Variants in ACOT11 observed in about 807,000 individuals in gnomAD.
The protein encoded by ACOT11 is acyl-CoA thioesterase 11, also known as acyl-coenzyme A thioesterase 11.
ACOT11 carries 69 observed loss-of-function variants against 77.5 expected under a neutral mutation model. That is an observed-to-expected ratio of 0.89 (90% CI 0.73 to 1.09). The LOEUF (loss-of-function observed/expected upper bound fraction) is 1.09, where lower values mean the gene tolerates loss of function less well. ACOT11 is among the 50% of genes least tolerant of loss of function. The probability of loss-of-function intolerance (pLI) is 0.00; values close to 1 mark genes in which losing one functional copy is unlikely to be tolerated. For missense variants in ACOT11, 766 were observed against 813.7 expected (o/e 0.94, Z 0.71); for synonymous variants, 279 against 313.0 (o/e 0.89, Z 1.15).
rs1653230338 is a variant in ACOT11, at chr1:54,555,550, G to A, written c.33+7208G>A. On this transcript the variant is annotated intron_variant, in intron 1 of 15. Transcript: ENST00000343744. The stretch of plus-strand genomic sequence containing the variant: ...GGTTGTCTCTTAACTCTGTTGATTG[G>A]TTCCTTTGCTGTGCAGAAGTGTTTT... Among the ~76,000 whole-genome samples the A allele has an allele frequency of 4.0e-5, 6 of 151,884 alleles. No individual in the cohort carries two copies. In the South Asian group the frequency reaches 1.2e-3, roughly 32 times the overall value.
intron 2 of ACOT11, 50 bp from the exon 3 acceptor site, chr1:54,585,785 C>T: frequency 1.2e-6 from 2 of 1,601,738 alleles, no homozygotes; most frequent in Non-Finnish European, 1.7e-6. Flanking sequence ...GAGCAGAGGC[C>T]TGTGATCGGG....
chr1:54,631,805 C>T (rs113854588), intron 16 of ACOT11, among the ~76,000 whole-genome samples: 4 of 152,300 alleles, frequency 2.6e-5, no homozygotes, highest in Non-Finnish European at 5.9e-5. Flanking sequence ...ATTGCAGATT[C>T]GGCTGCTCAG....
At chr1:54,626,085 A>G (rs1418749009) in intron 15 of ACOT11, among the ~76,000 whole-genome samples, 1 of 147,872 alleles carries the variant, frequency 6.8e-6, no homozygotes, top group Non-Finnish European at 1.5e-5. Context: ...ACAGAGTGAG[A>G]CCCTGTTTCT....
intron 3 of ACOT11, among the ~76,000 whole-genome samples, chr1:54,591,449 C>G (rs1297411918): frequency 6.6e-6 from 1 of 152,226 alleles, no homozygotes; most frequent in Non-Finnish European, 1.5e-5. Context: ...CACGGTGGCC[C>G]CTTGACCAGC....
rs1438939103 is a variant in ACOT11 at position 54,607,787 on chromosome 1, C to G, written c.1503-155C>G. 2.0e-5 allele frequency among the ~76,000 whole-genome samples: 3 copies of G among 151,904 alleles called. No homozygotes were observed. The highest frequency in any genetic ancestry group is 1.9e-4 in the East Asian group (1 of 5,130). On this transcript the variant is annotated intron_variant, in intron 14 of 15. Coordinates refer to ENST00000343744, the MANE Select transcript of ACOT11 (RefSeq NM_147161.4). This position sits in a 1 kb window ranked among gnomAD's most constrained non-coding sequence, Gnocchi z 4.5. ...TCCTCCCTCCAGCCTGGCCCTGAGC[C>G]CCGCATTGGGGCTTTAAGAGTCGAT... is the stretch of plus-strand genomic sequence containing the variant.
At position 54,610,248 on chromosome 1, in the gene ACOT11, C is replaced by T; in HGVS notation, c.*1136C>T. ...CAGGAGCCCTGTGCTCTTGACATCA[C>T]TGTACTCCCTCTCCCTCCCCGCAAC... On this transcript the variant is annotated 3_prime_UTR_variant, in exon 16 of 16. Transcript: ENST00000343744. The T allele has an allele frequency of 2.1e-6, 3 of 1,456,274 alleles. No homozygotes were observed. Among genetic ancestry groups the T allele is most frequent in the Non-Finnish European group, 2.7e-6 (3 of 1,110,552 alleles). 90.2% of individuals were successfully genotyped at this position (1,456,274 alleles called of 1,614,324 possible). A position where few individuals can be genotyped will look rare whatever the true frequency, so the allele number is the denominator to read the frequency against.
intron 15 of ACOT11, among the ~76,000 whole-genome samples, chr1:54,629,058 C>CA (rs768933265): frequency 0.021 from 737 of 35,740 alleles, 41 homozygotes; most frequent in African/African-American, 0.032. Flanking sequence ...GACTCCGTCT[C>CA]AAAAAAAAAA....
chr1:54,619,977 G>T (rs144352219), intron 15 of ACOT11: 1 of 1,614,108 alleles, frequency 6.2e-7, no homozygotes, highest in Non-Finnish European at 8.5e-7. Flanking sequence ...CAGCATGTCG[G>T]CATCAGGGCT....
intron 1 of ACOT11, among the ~76,000 whole-genome samples, chr1:54,563,369 G>A (rs1354090447): frequency 6.6e-6 from 1 of 152,214 alleles, no homozygotes; most frequent in Non-Finnish European, 1.5e-5. Flanking sequence ...TCGCTCACCG[G>A]CAGAGTGCCA....
At chr1:54,548,431 T>C in intron 1 of ACOT11, 89 bp downstream of exon 1, 1 of 1,448,412 alleles carries the variant, frequency 6.9e-7, no homozygotes, top group Non-Finnish European at 9.4e-7. Flanking sequence ...TCAGACGCTC[T>C]GCATCTCCTC....
At chr1:54,578,094 G>A (rs1654177447) in intron 1 of ACOT11, among the ~76,000 whole-genome samples, 1 of 152,136 alleles carries the variant, frequency 6.6e-6, no homozygotes, top group Non-Finnish European at 1.5e-5. Context: ...AATAGTGCCA[G>A]TTCTATGAGT....
downstream of ACOT11, chr1:54,614,953 T>C (rs2101018951): frequency 7.8e-7 from 1 of 1,275,550 alleles, no homozygotes; most frequent in African/African-American, 1.5e-5. Flanking sequence ...TGTGTGTGTG[T>C]GCATGTGCGT....
At chr1:54,636,143 A>T (rs1408158393) in exon 17 of ACOT11, 2 of 152,206 alleles carry the variant, frequency 1.3e-5, no homozygotes, top group Non-Finnish European at 2.9e-5. Flanking sequence ...TTGCCCCTCC[A>T]CACCTGTGGG....
chr1:54,613,120 C>T (rs960604813), downstream of ACOT11, among the ~76,000 whole-genome samples: 6 of 152,124 alleles, frequency 3.9e-5, no homozygotes, highest in African/African-American at 1.4e-4. Flanking sequence ...TGGCTCACAC[C>T]TGTAATCCCA....
At chr1:54,564,208 C>T (rs529645689) in intron 1 of ACOT11, among the ~76,000 whole-genome samples, 69 of 152,018 alleles carry the variant, frequency 4.5e-4, no homozygotes, top group South Asian at 4.0e-3. Flanking sequence ...CCACTGCACT[C>T]CAACCTGGGT....
At chr1:54,588,519 C>A (rs1010118903) in intron 3 of ACOT11, among the ~76,000 whole-genome samples, 2 of 152,122 alleles carry the variant, frequency 1.3e-5, no homozygotes, top group Non-Finnish European at 2.9e-5. Flanking sequence ...GCAATCTGGG[C>A]CCAGAGCCCT....
chr1:54,608,994 A>G lies in ACOT11; in HGVS notation c.1667A>G (p.Asn556Ser), dbSNP rs867145195. ...YYNQATPGVL[N>S]YVTTNVAGLS... ...AACCAGGCCACCCCAGGTGTTCTCA[A>G]CTATGTGACCACCAACGTGGCCGGC... The change falls in exon 16 of 16, where the codon AAC becomes AGC. Residue 556 changes from asparagine to serine, a missense_variant. Coordinates refer to ENST00000343744, the MANE Select transcript of ACOT11 (RefSeq NM_147161.4). 5.6e-6 allele frequency: 9 copies of G among 1,613,878 alleles called. No homozygotes were observed. The African/African-American group carries it at 1.1e-4, about 19-fold the overall frequency.
intron 1 of ACOT11, among the ~76,000 whole-genome samples, chr1:54,564,370 G>A (rs941808258): frequency 6.6e-6 from 1 of 152,222 alleles, no homozygotes; most frequent in African/African-American, 2.4e-5. Flanking sequence ...GTGGCCCAGA[G>A]AGGACCAGGT....
rs1342155346 is a variant in ACOT11, at chr1:54,575,956, A to T, written c.34-8699A>T. 2.6e-5 allele frequency among the ~76,000 whole-genome samples: 4 copies of T among 152,236 alleles called. No individual in the cohort carries two copies. In the South Asian group the frequency reaches 8.3e-4, roughly 32 times the overall value. On this transcript the variant is annotated intron_variant, in intron 1 of 15. Coordinates refer to ENST00000343744, the MANE Select transcript of ACOT11 (RefSeq NM_147161.4). ...GGTTCATGTCTGTTGTGTGTGCAGTAATGGAGCAATGCACCAAAACAGCAG... is the reference window on the plus strand; with the variant it reads ...GGTTCATGTCTGTTGTGTGTGCAGTTATGGAGCAATGCACCAAAACAGCAG...
Sources: allele counts gnomAD v4.1 joint callset (sites outside exome capture counted in the v4.1 genomes callset), GRCh38; gene constraint gnomAD v4.1.1; non-coding constraint Gnocchi (gnomAD v3.1); transcripts MANE v1.5; gene names NCBI Gene and HGNC (gene_info 2026-07-23, HGNC 2026-07-21).